The following TRIM24 variants were observed in gnomAD, a reference collection of about 807,000 sequenced individuals.
TRIM24 encodes the protein tripartite motif containing 24, also known as transcription intermediary factor 1-alpha.
TRIM24 carries 29 observed loss-of-function variants against 123.9 expected under a neutral mutation model. That is an observed-to-expected ratio of 0.23 (90% CI 0.17 to 0.32). The LOEUF is 0.32. TRIM24 is among the 10% of genes least tolerant of loss of function. TRIM24 has a pLI of 1.00. For synonymous variants in TRIM24, 456 were observed against 461.1 expected, an observed-to-expected ratio of 0.99 and a Z score of 0.14; for missense variants, 932 against 1,295.3, an observed-to-expected ratio of 0.72 and a Z score of 4.31.
chr7:138,536,003 T>G (rs1406087977), intron 6 of TRIM24, among the ~76,000 whole-genome samples: 2 of 152,198 alleles, frequency 1.3e-5, no homozygotes, highest in Non-Finnish European at 2.9e-5. Flanking sequence ...TCCAGTTGAT[T>G]GAATCAGGTA....
intron 11 of TRIM24, among the ~76,000 whole-genome samples, chr7:138,571,433 C>T (rs886605786): frequency 1.3e-5 from 2 of 152,108 alleles, no homozygotes; most frequent in Admixed American, 1.3e-4. Flanking sequence ...AGATTATGAA[C>T]ATTGGACACA....
At chr7:138,559,637 AGGC>A (rs1797385686) in intron 9 of TRIM24, among the ~76,000 whole-genome samples, 1 of 152,076 alleles carries the variant, frequency 6.6e-6, no homozygotes, top group Admixed American at 6.5e-5. Context: ...GACCAGAGCA[AGGC>A]TGTTGACTTC....
chr7:138,577,658 C>A, intron 14 of TRIM24, 70 bp downstream of exon 14: 1 of 1,267,648 alleles, frequency 7.9e-7, no homozygotes, highest in Non-Finnish European at 1.0e-6. Context: ...TTAAATAGCT[C>A]TTAGGAGTTT....
In TRIM24 at chr7:138,585,108, T is replaced by TAAGAGGTTAATA; in HGVS notation, c.*157_*158insAAGAGGTTAATA. 2.0e-6 allele frequency: 1 copy of TAAGAGGTTAATA among 505,598 alleles called. No homozygotes were observed. The highest frequency in any genetic ancestry group is 2.0e-5 in the African/African-American group (1 of 50,354). 31.3% of individuals were successfully genotyped at this position (505,598 alleles called of 1,614,324 possible). A position where few individuals can be genotyped will look rare whatever the true frequency, so the allele number is the denominator to read the frequency against. On this transcript the variant is annotated 3_prime_UTR_variant, in exon 19 of 19. Transcript: ENST00000343526. ...ACTTTGATTTCCTTAATAGCCCATT[T>TAAGAGGTTAATA]CTGTTAACCTCTTATCACTAAGAAA... is the stretch of plus-strand genomic sequence containing the variant.
At chr7:138,519,142 T>C (rs1796456710) in intron 3 of TRIM24, 47 bp from the exon 4 acceptor site, 2 of 1,609,060 alleles carry the variant, frequency 1.2e-6, no homozygotes, top group Non-Finnish European at 8.5e-7. Context: ...TTATTTACTA[T>C]TCAATTATGT....
intron 1 of TRIM24, among the ~76,000 whole-genome samples, chr7:138,491,758 T>C (rs543926848): frequency 6.6e-6 from 1 of 152,284 alleles, no homozygotes; most frequent in Admixed American, 6.5e-5. Context: ...AGCTCCACCA[T>C]TTTGCATCGT....
intron 1 of TRIM24, among the ~76,000 whole-genome samples, chr7:138,472,720 A>G (rs1445072521): frequency 1.3e-5 from 2 of 152,194 alleles, no homozygotes; most frequent in African/African-American, 4.8e-5. Flanking sequence ...GTGCTACTCA[A>G]GGCATGAGCT....
At chr7:138,555,034 TAAC>T in intron 9 of TRIM24, 68 bp downstream of exon 9, 1 of 1,464,904 alleles carries the variant, frequency 6.8e-7, no homozygotes, top group Non-Finnish European at 9.3e-7. Context: ...CAGCTCAAAA[TAAC>T]AAAGACATCC....
At chr7:138,462,775 A>G (rs1474224332) in intron 1 of TRIM24, among the ~76,000 whole-genome samples, 2 of 152,120 alleles carry the variant, frequency 1.3e-5, no homozygotes, top group African/African-American at 4.8e-5. Flanking sequence ...CAGGTTGGAC[A>G]CTCTCAGATC....
intron 1 of TRIM24, among the ~76,000 whole-genome samples, chr7:138,502,910 T>C (rs1796072150): frequency 6.6e-6 from 1 of 152,236 alleles, no homozygotes; most frequent in African/African-American, 2.4e-5. Flanking sequence ...TGTTTCTTGC[T>C]TAAAAATTTA....
chr7:138,585,890 T>C lies in TRIM24; in HGVS notation c.*939T>C, dbSNP rs376974751. ...CATATACCCTACTGGGCATTAAATA[T>C]AAGTTCCTCTGAAAGGGACTCGTTT... On this transcript the variant is annotated 3_prime_UTR_variant, in exon 19 of 19. Transcript: ENST00000343526. The C allele has an allele frequency of 3.9e-6, 2 of 518,994 alleles. No individual in the cohort carries two copies. The highest frequency in any genetic ancestry group is 1.9e-5 in the African/African-American group (1 of 52,080). The allele number at this position is 518,994 out of a possible 1,614,324, so 32.1% of individuals were successfully genotyped here.
chr7:138,520,011 A>G (rs1796473715), intron 4 of TRIM24, among the ~76,000 whole-genome samples: 1 of 152,232 alleles, frequency 6.6e-6, no homozygotes, highest in Non-Finnish European at 1.5e-5. Context: ...GAGAATGACT[A>G]GAAAACCTGC....
intron 2 of TRIM24, among the ~76,000 whole-genome samples, chr7:138,505,509 G>GTTGTTGTTGTTGTTGTTGTTGTT (rs1554436148): frequency 7.0e-6 from 1 of 143,820 alleles, no homozygotes; most frequent in Admixed American, 7.0e-5. Context: ...TGGGGGTGGT[G>GTTGTTGTTGTTGTTGTTGTTGTT]GTTGTTGTTG....
In TRIM24 at chr7:138,503,049, T is replaced by TC. The variant is rs373420081; in HGVS notation, c.365-1237dup. The stretch of plus-strand genomic sequence containing the variant: ...AGATGAAGTAGGGATCTAATTTCAT[T>TC]CCCCACCCCCAATAGTTGTTGCAGC... On this transcript the variant is annotated intron_variant, in intron 1 of 18. Coordinates refer to ENST00000343526, the MANE Select transcript of TRIM24 (RefSeq NM_015905.3). Among the ~76,000 whole-genome samples, 649 of 152,296 alleles carry TC rather than the reference T, an allele frequency of 4.3e-3. 6 individuals carry two copies. Among genetic ancestry groups the TC allele is most frequent in the African/African-American group, 0.015 (634 of 41,566 alleles).
chr7:138,561,726 C>T (rs1797432229), intron 9 of TRIM24, among the ~76,000 whole-genome samples: 1 of 152,192 alleles, frequency 6.6e-6, no homozygotes, highest in Non-Finnish European at 1.5e-5. Context: ...TTCCTTTTCA[C>T]TCATGGACAT....
intron 3 of TRIM24, among the ~76,000 whole-genome samples, chr7:138,516,713 A>G (rs1271354163): frequency 6.6e-6 from 1 of 152,118 alleles, no homozygotes; most frequent in African/African-American, 2.4e-5. Flanking sequence ...GTGGAATCAC[A>G]TGGTATTTGT....
rs1189275796 is a variant in TRIM24, at chr7:138,586,151, T to C, written c.*1200T>C. ...CTTCTGAGGACAAGCATATTCTTAA[T>C]GTGCCAGACCTACCCGGTTCAGCTG... On this transcript the variant is annotated 3_prime_UTR_variant, in exon 19 of 19. Transcript: ENST00000343526. 3.0e-6 allele frequency: 1 copy of C among 334,036 alleles called. No individual in the cohort carries two copies. Among genetic ancestry groups the C allele is most frequent in the Non-Finnish European group, 5.9e-6 (1 of 169,604 alleles). 20.7% of individuals were successfully genotyped at this position (334,036 alleles called of 1,614,324 possible). A position where few individuals can be genotyped will look rare whatever the true frequency, so the allele number is the denominator to read the frequency against.
chr7:138,534,843 G>T (rs1796831098), intron 6 of TRIM24, among the ~76,000 whole-genome samples: 1 of 152,156 alleles, frequency 6.6e-6, no homozygotes, highest in Non-Finnish European at 1.5e-5. Context: ...TATTGTCTGG[G>T]AGTCTAAAGT....
intron 1 of TRIM24, chr7:138,461,293 C>T: frequency 1.8e-6 from 1 of 549,850 alleles, no homozygotes; most frequent in Non-Finnish European, 3.6e-6. Context: ...CTCCACAAAG[C>T]TTTGTCCAGG....
Sources: gnomAD v4.1 joint callset for allele counts (sites outside exome capture counted in the v4.1 genomes callset) on GRCh38, gnomAD v4.1.1 for gene constraint, MANE v1.5 for transcripts, NCBI Gene and HGNC (gene_info 2026-07-23, HGNC 2026-07-21) for gene names.